The following CASD1 variants were observed in gnomAD, a reference collection of about 807,000 sequenced individuals.
The protein encoded by CASD1 is N-acetylneuraminate (7)9-O-acetyltransferase.
CASD1 carries 41 observed loss-of-function variants against 100.0 expected under a neutral mutation model. That is an observed-to-expected ratio of 0.41 (90% confidence interval 0.32 to 0.53). The LOEUF (loss-of-function observed/expected upper bound fraction) is 0.53, where lower values mean the gene tolerates loss of function less well. Ranked by LOEUF, CASD1 falls within the 20% of genes least tolerant of loss-of-function variation. The pLI is 0.25. For missense variants in CASD1, 774 were observed against 948.7 expected, an observed-to-expected ratio of 0.82 and a Z score of 2.42; for synonymous variants, 321 against 315.6, an observed-to-expected ratio of 1.02 and a Z score of -0.18.
At chr7:94,527,034 T>A (rs1401005452) in intron 3 of CASD1, 128 bp from the exon 4 acceptor site, 1 of 686,632 alleles carries the variant, frequency 1.5e-6, no homozygotes, top group Non-Finnish European at 2.5e-6. Flanking sequence ...GTATAGATAA[T>A]TGAGATTTGG....
the CASD1 span, among the ~76,000 whole-genome samples, chr7:94,608,457 A>G: frequency 1.3e-5 from 2 of 152,250 alleles, no homozygotes; most frequent in African/African-American, 4.8e-5. Context: ...TCCATGTTTA[A>G]TGGATAGGAA....
chr7:94,509,830 T>A lies in CASD1; in HGVS notation c.-255T>A. On this transcript the variant is annotated 5_prime_UTR_variant, in exon 1 of 18. Coordinates refer to ENST00000297273, the MANE Select transcript of CASD1 (RefSeq NM_022900.5). ...GGAGGAGACAGGCGTCCAGGGCGCC[T>A]GGGGAACCGGCACGGCGGAGCAGCG... The A allele has an allele frequency of 2.0e-6, 2 of 983,694 alleles. No individual in the cohort carries two copies. Among genetic ancestry groups the A allele is most frequent in the Non-Finnish European group, 2.4e-6 (2 of 829,948 alleles). The allele number at this position is 983,694 out of a possible 1,614,324, so 60.9% of individuals were successfully genotyped here. A position where few individuals can be genotyped will look rare whatever the true frequency, so the allele number is the denominator to read the frequency against.
At chr7:94,564,908 G>C in the CASD1 span, among the ~76,000 whole-genome samples, 1 of 152,002 alleles carries the variant, frequency 6.6e-6, no homozygotes, top group Admixed American at 6.6e-5. Context: ...TGGGAAATTG[G>C]CTAACTCTTT....
the CASD1 span, chr7:94,590,735 A>G: frequency 6.6e-6 from 1 of 152,334 alleles, no homozygotes; most frequent in African/African-American, 2.4e-5. Context: ...CAAGGGAGTT[A>G]GGAATCCTGT....
At chr7:94,550,453 A>G (rs1424139493) in intron 14 of CASD1, among the ~76,000 whole-genome samples, 1 of 152,162 alleles carries the variant, frequency 6.6e-6, no homozygotes, top group Non-Finnish European at 1.5e-5. Flanking sequence ...TCATTAGAGC[A>G]GTGTATTATG....
the CASD1 span, chr7:94,585,623 A>G: frequency 3.9e-6 from 3 of 767,358 alleles, no homozygotes; most frequent in Non-Finnish European, 7.1e-6. Flanking sequence ...TCTTCTTAAT[A>G]CAATGTAAAA....
chr7:94,613,725 C>T, the CASD1 span, among the ~76,000 whole-genome samples: 2 of 152,058 alleles, frequency 1.3e-5, no homozygotes, highest in African/African-American at 4.8e-5. Flanking sequence ...GTATTTTTTC[C>T]TAATTGCCCA....
chr7:94,626,381 T>A, the CASD1 span: 3 of 152,118 alleles, frequency 2.0e-5, no homozygotes, highest in African/African-American at 4.8e-5. Flanking sequence ...TACATTTTAA[T>A]ATAATTGTTT....
At chr7:94,587,475 T>C in the CASD1 span, 1 of 1,254,000 alleles carries the variant, frequency 8.0e-7, no homozygotes, top group Admixed American at 4.4e-5. Flanking sequence ...ACGAAGAAGT[T>C]CTATCATTTC....
At chr7:94,624,161 T>TA in the CASD1 span, 1 of 256,884 alleles carries the variant, frequency 3.9e-6, no homozygotes, top group Non-Finnish European at 6.2e-6. Context: ...CTGCAGTACC[T>TA]CAAAAAAAAA....
At chr7:94,602,803 TCTAA>T in the CASD1 span, among the ~76,000 whole-genome samples, 4 of 152,198 alleles carry the variant, frequency 2.6e-5, no homozygotes, top group African/African-American at 9.6e-5. Flanking sequence ...TGGGTAAGAT[TCTAA>T]CTTTCTTCAC....
At chr7:94,601,475 A>AAAAAC in the CASD1 span, among the ~76,000 whole-genome samples, 1 of 137,430 alleles carries the variant, frequency 7.3e-6, no homozygotes, top group African/African-American at 2.6e-5. Flanking sequence ...AAAAAAAAAA[A>AAAAAC]ACTACAACAG....
At chr7:94,523,272 T>C (rs185268096) in intron 3 of CASD1, among the ~76,000 whole-genome samples, 44 of 152,288 alleles carry the variant, frequency 2.9e-4, no homozygotes, top group Admixed American at 1.2e-3. Flanking sequence ...TACAATTCTC[T>C]ACATAGAAAA....
intron 3 of CASD1, among the ~76,000 whole-genome samples, chr7:94,524,634 T>C (rs1195504953): frequency 1.3e-5 from 2 of 152,114 alleles, no homozygotes; most frequent in Non-Finnish European, 2.9e-5. Context: ...TATGGAACAA[T>C]TAGGGAAATT....
At chr7:94,614,929 C>T in the CASD1 span, among the ~76,000 whole-genome samples, 1 of 152,082 alleles carries the variant, frequency 6.6e-6, no homozygotes, top group African/African-American at 2.4e-5. Flanking sequence ...GCATTGACTT[C>T]ATTTGTTTTT....
chr7:94,620,156 C>T, the CASD1 span: 40 of 152,104 alleles, frequency 2.6e-4, no homozygotes, highest in Non-Finnish European at 5.4e-4. Context: ...ATAAAAATTA[C>T]ATTAAGTACC....
At chr7:94,540,695 A>G (rs1329271726) in intron 10 of CASD1, among the ~76,000 whole-genome samples, 2 of 152,310 alleles carry the variant, frequency 1.3e-5, no homozygotes, top group African/African-American at 4.8e-5. Context: ...GACATAGTTT[A>G]TAAGCCCAGC....
intron 10 of CASD1, 54 bp from the exon 11 acceptor site, chr7:94,544,357 T>G (rs1257308393): frequency 5.6e-6 from 9 of 1,600,368 alleles, no homozygotes; most frequent in African/African-American, 1.3e-5. Flanking sequence ...GTTATGATAA[T>G]CCAAGGTGTA....
At chr7:94,511,695 G>A (rs546863340) in intron 1 of CASD1, among the ~76,000 whole-genome samples, 89 of 152,270 alleles carry the variant, frequency 5.8e-4, no homozygotes, top group Non-Finnish European at 8.5e-4. Context: ...TTATGTAATG[G>A]TAGTAGAGAG....
Sources: allele counts gnomAD v4.1 joint callset (sites outside exome capture counted in the v4.1 genomes callset), GRCh38; gene constraint gnomAD v4.1.1; transcripts MANE v1.5; gene names NCBI Gene and HGNC (gene_info 2026-07-23, HGNC 2026-07-21).